The following PIP4K2B variants were observed in gnomAD, a reference collection of about 807,000 sequenced individuals.
PIP4K2B encodes the protein phosphatidylinositol 5-phosphate 4-kinase type-2 beta.
In PIP4K2B, 3 loss-of-function variants were observed where a neutral mutation model predicts 42.0. The observed-to-expected ratio is 0.07, with a 90% CI of 0.03 to 0.18. The LOEUF is 0.18. PIP4K2B is among the 10% of genes least tolerant of loss of function. PIP4K2B has a pLI of 1.00. For missense variants in PIP4K2B, 332 were observed against 562.3 expected, an observed-to-expected ratio of 0.59 and a Z score of 4.14; for synonymous variants, 204 against 210.1, an observed-to-expected ratio of 0.97 and a Z score of 0.25.
intron 1 of PIP4K2B, among the ~76,000 whole-genome samples, chr17:38,798,787 G>T (rs1910786495): frequency 6.6e-6 from 1 of 152,210 alleles, no homozygotes; most frequent in African/African-American, 2.4e-5. Flanking sequence ...AGGCCTGGAG[G>T]ATGGAAGAAT....
chr17:38,799,086 C>A lies in PIP4K2B; in HGVS notation c.159+180G>T, dbSNP rs923327053. ...CAGACCACAGAGACACCAGGCCTCG[C>A]GTGGCGTGCGGGGAGTGCACACGGG... On this transcript the variant is annotated intron_variant, in intron 1 of 9. Coordinates refer to ENST00000619039, the MANE Select transcript of PIP4K2B (RefSeq NM_003559.5). This position sits in a 1 kb window ranked among gnomAD's most constrained non-coding sequence, Gnocchi z 4.4. Among the ~76,000 whole-genome samples, 13 of 151,744 alleles carry A rather than the reference C, an allele frequency of 8.6e-5. No individual in the cohort carries two copies. Among genetic ancestry groups the A allele is most frequent in the African/African-American group, 3.1e-4 (13 of 41,282 alleles).
At chr17:38,771,320 GGACATCCCAGT>G (rs763962287) in intron 7 of PIP4K2B, 48 bp from the exon 8 acceptor site, 3 of 1,603,982 alleles carry the variant, frequency 1.9e-6, no homozygotes, top group Non-Finnish European at 2.6e-6. Context: ...AGGTTACACA[GGACATCCCAGT>G]GACATCCAGA....
chr17:38,765,884 T>C lies in PIP4K2B; in HGVS notation c.*3807A>G, dbSNP rs1241808656. The C allele has an allele frequency of 6.6e-6, 1 of 152,616 alleles. No individual in the cohort carries two copies. The highest frequency in any genetic ancestry group is 6.5e-5 in the Admixed American group (1 of 15,276). 9.5% of individuals were successfully genotyped at this position (152,616 alleles called of 1,614,324 possible). ...AGAAGTCACACACTTGGTGGGGTGG[T>C]GGTTTGTCCTGCTTCCCCAAAAGGT... On this transcript the variant is annotated 3_prime_UTR_variant, in exon 10 of 10. Transcript: ENST00000619039.
At chr17:38,792,267 G>A (rs1389969852) in intron 1 of PIP4K2B, among the ~76,000 whole-genome samples, 2 of 152,024 alleles carry the variant, frequency 1.3e-5, no homozygotes, top group African/African-American at 4.8e-5. Context: ...TCCCATCTCA[G>A]CCTCCCTAGT....
chr17:38,789,509 C>T (rs1252611592), intron 1 of PIP4K2B, among the ~76,000 whole-genome samples: 1 of 152,136 alleles, frequency 6.6e-6, no homozygotes, highest in African/African-American at 2.4e-5. Flanking sequence ...CCTTGCAAAT[C>T]CTGTTATCTC....
chr17:38,785,399 A>T (rs228302), intron 2 of PIP4K2B, among the ~76,000 whole-genome samples: 3 of 152,246 alleles, frequency 2.0e-5, no homozygotes, highest in African/African-American at 7.2e-5. Flanking sequence ...GGGCTGGGCA[A>T]GGTGGCTCCT....
intron 4 of PIP4K2B, 106 bp from the exon 5 acceptor site, chr17:38,779,635 C>T: frequency 1.0e-6 from 1 of 964,622 alleles, no homozygotes; most frequent in Non-Finnish European, 1.6e-6. Context: ...GGATTCTAAC[C>T]TCTAGACCAG....
At chr17:38,775,982 T>C in intron 7 of PIP4K2B, 2 of 366,998 alleles carry the variant, frequency 5.4e-6, no homozygotes, top group South Asian at 4.1e-5. Context: ...TTTGCTTCCT[T>C]TTTTTTTTTT....
Position 38,766,420 on chromosome 17 carries a change from G to A in PIP4K2B, c.*3271C>T, listed in dbSNP as rs893689007. On this transcript the variant is annotated 3_prime_UTR_variant, in exon 10 of 10. Transcript: ENST00000619039. ...CTGAATTGGTAAAAAGACAACTGGG[G>A]GGTAGGACTGGCTACTGCAAAAAGT... is the stretch of plus-strand genomic sequence containing the variant. 6.5e-6 allele frequency: 1 copy of A among 152,704 alleles called. No individual in the cohort carries two copies. The highest frequency in any genetic ancestry group is 6.5e-5 in the Admixed American group (1 of 15,284). The allele number at this position is 152,704 out of a possible 1,614,324, so 9.5% of individuals were successfully genotyped here.
At chr17:38,795,527 G>T (rs576316069) in intron 1 of PIP4K2B, among the ~76,000 whole-genome samples, 4 of 152,300 alleles carry the variant, frequency 2.6e-5, no homozygotes, top group African/African-American at 9.6e-5. Flanking sequence ...AAGGCAGGTG[G>T]ATCACCTGAG....
intron 7 of PIP4K2B, among the ~76,000 whole-genome samples, chr17:38,772,959 A>G (rs920973045): frequency 3.9e-5 from 6 of 152,206 alleles, no homozygotes; most frequent in African/African-American, 1.4e-4. Context: ...ATCTCCTGTA[A>G]GAACAAATCT....
chr17:38,779,383 C>T lies in PIP4K2B; in HGVS notation c.654G>A (p.Lys218=). The change falls in exon 5 of 10, where the codon AAG becomes AAA. Residue 218 remains lysine, a splice_region_variant and synonymous_variant. Coordinates refer to ENST00000619039, the MANE Select transcript of PIP4K2B (RefSeq NM_003559.5). The stretch of plus-strand genomic sequence containing the variant: ...CTCCGGCAAACACAGAGCCCTTTAC[C>T]TTGAGGTCATACTTGCGATGCACAG... ...RLTVHRKYDL[K]GSTVAREASD... The T allele has an allele frequency of 6.2e-7, 1 of 1,609,150 alleles. No homozygotes were observed. The highest frequency in any genetic ancestry group is 8.5e-7 in the Non-Finnish European group (1 of 1,177,142).
chr17:38,793,077 T>A (rs1910425657), intron 1 of PIP4K2B, among the ~76,000 whole-genome samples: 1 of 150,968 alleles, frequency 6.6e-6, no homozygotes, highest in Non-Finnish European at 1.5e-5. Context: ...TACAGGCGCA[T>A]GCCACCACAC....
At chr17:38,775,401 G>A (rs1909280773) in intron 7 of PIP4K2B, among the ~76,000 whole-genome samples, 2 of 152,162 alleles carry the variant, frequency 1.3e-5, no homozygotes, top group Admixed American at 6.5e-5. Context: ...ACAGGCACAT[G>A]TCACCACACC....
chr17:38,772,605 CAG>C (rs1401410573), intron 7 of PIP4K2B, among the ~76,000 whole-genome samples: 8 of 152,118 alleles, frequency 5.3e-5, no homozygotes, highest in Non-Finnish European at 4.4e-5. Flanking sequence ...TTTTTTGAGA[CAG>C]AGTCTTGCTC....
intron 9 of PIP4K2B, 48 bp from the exon 10 acceptor site, chr17:38,769,819 C>A: frequency 6.3e-7 from 1 of 1,586,830 alleles, no homozygotes; most frequent in Non-Finnish European, 8.7e-7. Context: ...GTGCCCCAAT[C>A]AGGAGGCTGC....
chr17:38,770,310 T>C (rs2143309253), intron 9 of PIP4K2B, 126 bp downstream of exon 9: 1 of 680,994 alleles, frequency 1.5e-6, no homozygotes, highest in Non-Finnish European at 2.7e-6. Context: ...TCTGCTCTCC[T>C]GGGAAGAAGG....
intron 1 of PIP4K2B, among the ~76,000 whole-genome samples, chr17:38,787,123 C>A (rs924319626): frequency 2.6e-5 from 4 of 152,192 alleles, no homozygotes; most frequent in African/African-American, 7.2e-5. Context: ...GCAGCCTTCA[C>A]CTCCTGGACT....
intron 1 of PIP4K2B, among the ~76,000 whole-genome samples, chr17:38,798,996 G>A (rs1192505346): frequency 6.6e-6 from 1 of 152,242 alleles, no homozygotes; most frequent in Non-Finnish European, 1.5e-5. Context: ...TCCATGGGCT[G>A]CCCCAAGCGA....
Sources: allele counts gnomAD v4.1 joint callset (sites outside exome capture counted in the v4.1 genomes callset), GRCh38; gene constraint gnomAD v4.1.1; non-coding constraint Gnocchi (gnomAD v3.1); transcripts MANE v1.5; gene names NCBI Gene and HGNC (gene_info 2026-07-23, HGNC 2026-07-21).